The following GPM6A variants were observed in gnomAD, a reference collection of about 807,000 sequenced individuals.
GPM6A encodes the protein neuronal membrane glycoprotein M6-a.
In GPM6A, 7 loss-of-function variants were observed where a neutral mutation model predicts 32.1. That is an observed-to-expected ratio of 0.22 (90% CI 0.12 to 0.41). The LOEUF (loss-of-function observed/expected upper bound fraction) is 0.41, where lower values mean the gene tolerates loss of function less well. Among genes scored for constraint, GPM6A ranks in the 10% least tolerant of loss-of-function variants. GPM6A has a pLI of 1.00. For missense variants in GPM6A, 235 were observed against 347.2 expected (o/e 0.68, Z 2.57); for synonymous variants, 130 against 123.4 (o/e 1.05, Z -0.35).
At chr4:175,917,526 G>T (rs1738531369) in intron 1 of GPM6A, among the ~76,000 whole-genome samples, 1 of 152,182 alleles carries the variant, frequency 6.6e-6, no homozygotes, top group Admixed American at 6.5e-5. Context: ...AAAGAAGGCA[G>T]AAACAGGCTG....
chr4:175,935,752 A>G (rs1242228206), intron 1 of GPM6A, among the ~76,000 whole-genome samples: 2 of 152,086 alleles, frequency 1.3e-5, no homozygotes, highest in Non-Finnish European at 2.9e-5. Flanking sequence ...ATATAACCCC[A>G]ATAAAAATTT....
At chr4:175,798,344 T>C (rs1734320281) in intron 1 of GPM6A, among the ~76,000 whole-genome samples, 1 of 152,334 alleles carries the variant, frequency 6.6e-6, no homozygotes, top group Non-Finnish European at 1.5e-5. Context: ...TGTACCCAGA[T>C]TATCCTAAAA....
chr4:175,637,032 A>C (rs1421731013), intron 6 of GPM6A, among the ~76,000 whole-genome samples: 3 of 130,852 alleles, frequency 2.3e-5, no homozygotes, highest in Non-Finnish European at 4.8e-5. Flanking sequence ...ATAATACAAA[A>C]ATATATAATA....
chr4:175,826,838 C>A (rs1165277881), intron 1 of GPM6A, among the ~76,000 whole-genome samples: 3 of 151,988 alleles, frequency 2.0e-5, no homozygotes, highest in African/African-American at 7.3e-5. Flanking sequence ...AAAAAGAGTC[C>A]TAATGTTGAT....
chr4:175,772,152 T>C (rs1733217320), intron 1 of GPM6A, among the ~76,000 whole-genome samples: 1 of 152,214 alleles, frequency 6.6e-6, no homozygotes, highest in Admixed American at 6.5e-5. Flanking sequence ...GTAAATAGAT[T>C]TATTCTGTCC....
intron 1 of GPM6A, among the ~76,000 whole-genome samples, chr4:175,783,179 A>T (rs896262126): frequency 9.9e-5 from 15 of 152,142 alleles, no homozygotes; most frequent in African/African-American, 3.6e-4. Context: ...GATTCTAAAC[A>T]TAAACATAAA....
chr4:175,883,589 A>C (rs928940989), intron 1 of GPM6A, among the ~76,000 whole-genome samples: 1 of 152,172 alleles, frequency 6.6e-6, no homozygotes, highest in African/African-American at 2.4e-5. Context: ...CATCTTCCCA[A>C]GTTATTACAG....
At chr4:175,763,042 C>A (rs2581771) in intron 1 of GPM6A, among the ~76,000 whole-genome samples, 138,950 of 152,224 alleles carry the variant, frequency 0.91, 63,518 homozygotes, top group Middle Eastern at 0.97. Context: ...CTGAATTGTA[C>A]ACATTAATTG....
intron 1 of GPM6A, among the ~76,000 whole-genome samples, chr4:175,985,630 T>C (rs1443950471): frequency 6.6e-6 from 1 of 152,206 alleles, no homozygotes; most frequent in East Asian, 1.9e-4. Flanking sequence ...GTCCTTTTCC[T>C]GTACTTGACG....
intron 1 of GPM6A, among the ~76,000 whole-genome samples, chr4:175,867,652 TA>T (rs1330686264): frequency 6.6e-6 from 1 of 152,238 alleles, no homozygotes; most frequent in East Asian, 1.9e-4. Flanking sequence ...TCTACTGATC[TA>T]TTCTTTAGCC....
chr4:175,735,936 C>T (rs1731642144), intron 1 of GPM6A, among the ~76,000 whole-genome samples: 1 of 152,202 alleles, frequency 6.6e-6, no homozygotes, highest in African/African-American at 2.4e-5. Context: ...AATAGACCTA[C>T]ATAAAAATAT....
At chr4:175,796,929 G>A (rs749204405) in intron 1 of GPM6A, among the ~76,000 whole-genome samples, 3 of 151,944 alleles carry the variant, frequency 2.0e-5, no homozygotes, top group African/African-American at 4.8e-5. Context: ...ATTTTCAGAC[G>A]TTTCTGATAA....
At chr4:175,708,888 A>G (rs1745370974) in intron 1 of GPM6A, among the ~76,000 whole-genome samples, 1 of 152,152 alleles carries the variant, frequency 6.6e-6, no homozygotes, top group African/African-American at 2.4e-5. Flanking sequence ...GCCCTGGGAG[A>G]GTCTGCATAA....
At chr4:175,829,154 T>C (rs1027086324) in intron 1 of GPM6A, among the ~76,000 whole-genome samples, 12 of 152,176 alleles carry the variant, frequency 7.9e-5, no homozygotes, top group African/African-American at 2.7e-4. Flanking sequence ...GGTCTCGAAA[T>C]CCTGAGCTCA....
upstream of GPM6A, among the ~76,000 whole-genome samples, chr4:175,814,733 TAAGA>T (rs902950908): frequency 2.6e-4 from 39 of 152,298 alleles, no homozygotes; most frequent in African/African-American, 9.1e-4. Context: ...TCAAATGAAT[TAAGA>T]GAGATGCATA....
In GPM6A at chr4:175,809,782, T is replaced by A. The variant is rs1258096582; in HGVS notation, c.37+2409A>T. Among the ~76,000 whole-genome samples the A allele has an allele frequency of 2.0e-5, 3 of 152,238 alleles. No individual in the cohort carries two copies. In the East Asian group the frequency reaches 5.8e-4, roughly 29 times the overall value. On this transcript the variant is annotated intron_variant, in intron 1 of 6. Coordinates refer to ENST00000393658, the MANE Select transcript of GPM6A (RefSeq NM_201591.3). Reference sequence around the variant, plus strand: ...AATATATTTCTTAAGACGGATGATCTTTTTAAATGCTTAAACACCAAGTAT... The same window carrying A: ...AATATATTTCTTAAGACGGATGATCATTTTAAATGCTTAAACACCAAGTAT...
At chr4:175,702,010 G>A (rs1560884429) in intron 1 of GPM6A, among the ~76,000 whole-genome samples, 1 of 152,120 alleles carries the variant, frequency 6.6e-6, no homozygotes, top group Non-Finnish European at 1.5e-5. Context: ...AAAACCTAGA[G>A]AAGCCCTTCC....
At chr4:175,848,190 C>A (rs151130716) in intron 1 of GPM6A, among the ~76,000 whole-genome samples, 244 of 152,258 alleles carry the variant, frequency 1.6e-3, no homozygotes, top group African/African-American at 5.5e-3. Flanking sequence ...AGCGCTCAAG[C>A]TTTTTTCTTG....
At chr4:175,958,573 C>T (rs1400259480) in intron 1 of GPM6A, among the ~76,000 whole-genome samples, 1 of 152,198 alleles carries the variant, frequency 6.6e-6, no homozygotes, top group Non-Finnish European at 1.5e-5. Flanking sequence ...GTCTTCCCCC[C>T]ATTCATTGAC....
Sources: gnomAD v4.1 joint callset for allele counts (sites outside exome capture counted in the v4.1 genomes callset) on GRCh38, gnomAD v4.1.1 for gene constraint, MANE v1.5 for transcripts, NCBI Gene and HGNC (gene_info 2026-07-23, HGNC 2026-07-21) for gene names.